The following CCDC148 variants were observed in gnomAD, a reference collection of about 807,000 sequenced individuals.
CCDC148 encodes the protein coiled-coil domain containing 148, also known as coiled-coil domain-containing protein 148.
In CCDC148, 89 loss-of-function variants were observed where a neutral mutation model predicts 85.7. That is an observed-to-expected ratio of 1.04 (90% CI 0.87 to 1.24). The LOEUF is 1.24. Among genes scored for constraint, CCDC148 ranks in the 50% most tolerant of loss-of-function variants. The pLI, the probability that CCDC148 is intolerant of heterozygous loss-of-function variation, is 0.00. For synonymous variants in CCDC148, 230 were observed against 213.9 expected (o/e 1.08, Z -0.66); for missense variants, 692 against 671.7 (o/e 1.03, Z -0.33).
At chr2:158,442,609 A>G (rs1372535663) in intron 1 of CCDC148, among the ~76,000 whole-genome samples, 1 of 152,210 alleles carries the variant, frequency 6.6e-6, no homozygotes, top group East Asian at 1.9e-4. Context: ...ATAGCAGGAA[A>G]AGAGCAGGAA....
chr2:158,290,115 G>T (rs1053801183), intron 9 of CCDC148, among the ~76,000 whole-genome samples: 1 of 152,198 alleles, frequency 6.6e-6, no homozygotes, highest in African/African-American at 2.4e-5. Context: ...TGGGAGACAT[G>T]TGAGATGCAG....
intron 10 of CCDC148, among the ~76,000 whole-genome samples, chr2:158,239,885 T>C (rs1292495151): frequency 1.4e-5 from 2 of 146,314 alleles, no homozygotes; most frequent in Non-Finnish European, 3.1e-5. Flanking sequence ...ATTTACCAAT[T>C]AGGTTTTTTT....
intron 11 of CCDC148, among the ~76,000 whole-genome samples, chr2:158,187,094 G>T (rs956115339): frequency 2.6e-5 from 4 of 151,920 alleles, no homozygotes; most frequent in African/African-American, 9.7e-5. Context: ...TCTACATCAT[G>T]GCTAACTCTC....
intron 9 of CCDC148, among the ~76,000 whole-genome samples, chr2:158,294,678 G>C (rs1395604905): frequency 6.6e-6 from 1 of 152,062 alleles, no homozygotes; most frequent in Non-Finnish European, 1.5e-5. Context: ...ACACAAATTA[G>C]CCAGGCGTGG....
At chr2:158,246,751 A>T (rs1034673635) in intron 10 of CCDC148, among the ~76,000 whole-genome samples, 1 of 152,190 alleles carries the variant, frequency 6.6e-6, no homozygotes, top group Admixed American at 6.5e-5. Context: ...TCTCTGCAAA[A>T]GTTCCAGGGA....
At chr2:158,187,146 T>A (rs1256126969) in intron 11 of CCDC148, among the ~76,000 whole-genome samples, 1 of 152,004 alleles carries the variant, frequency 6.6e-6, no homozygotes, top group Admixed American at 6.6e-5. Context: ...GAAAAGAGCA[T>A]TCATTTCCTC....
chr2:158,184,251 C>G (rs1318048572), intron 11 of CCDC148, among the ~76,000 whole-genome samples: 2 of 152,060 alleles, frequency 1.3e-5, no homozygotes, highest in Non-Finnish European at 2.9e-5. Context: ...AAAGATGAAC[C>G]CTTGCCAGCC....
At chr2:158,259,956 T>C (rs1689152296) in intron 9 of CCDC148, among the ~76,000 whole-genome samples, 1 of 151,994 alleles carries the variant, frequency 6.6e-6, no homozygotes, top group South Asian at 2.1e-4. Flanking sequence ...CTCTTACCTG[T>C]GTCTGTGAAT....
intron 1 of CCDC148, among the ~76,000 whole-genome samples, chr2:158,408,309 T>G (rs570049842): frequency 6.6e-6 from 1 of 152,282 alleles, no homozygotes; most frequent in African/African-American, 2.4e-5. Flanking sequence ...TATAGTCATA[T>G]TGCTGTACGT....
chr2:158,228,997 AAG>A (rs1687714976), intron 10 of CCDC148, among the ~76,000 whole-genome samples: 1 of 151,164 alleles, frequency 6.6e-6, no homozygotes, highest in South Asian at 2.1e-4. Flanking sequence ...AAGAAAAAAA[AAG>A]AATTCAGATA....
At chr2:158,342,198 T>A (rs921089724) in intron 3 of CCDC148, among the ~76,000 whole-genome samples, 8 of 151,094 alleles carry the variant, frequency 5.3e-5, no homozygotes, top group African/African-American at 9.8e-5. Flanking sequence ...CCTGGCTAAT[T>A]TTTGTATTTT....
chr2:158,201,669 C>T (rs543263343), intron 11 of CCDC148, among the ~76,000 whole-genome samples: 3 of 152,218 alleles, frequency 2.0e-5, no homozygotes, highest in East Asian at 3.9e-4. Context: ...ATCTCGGCTT[C>T]CTAAAGTGCT....
intron 3 of CCDC148, among the ~76,000 whole-genome samples, chr2:158,342,260 C>T (rs1682753532): frequency 6.6e-6 from 1 of 151,890 alleles, no homozygotes; most frequent in African/African-American, 2.4e-5. Context: ...AAACTCCTGA[C>T]CTCAGGTGAT....
intron 8 of CCDC148, among the ~76,000 whole-genome samples, chr2:158,311,418 G>C (rs971407362): frequency 6.6e-6 from 1 of 150,910 alleles, no homozygotes; most frequent in African/African-American, 2.5e-5. Context: ...CGAGATCGCG[G>C]CAGTACAGTC....
chr2:158,357,055 G>T (rs1429335798), intron 2 of CCDC148, among the ~76,000 whole-genome samples: 1 of 146,126 alleles, frequency 6.8e-6, no homozygotes, highest in Non-Finnish European at 1.5e-5. Context: ...CACAGGAACG[G>T]GAATATCACA....
At chr2:158,280,061 C>T (rs1363122162) in intron 9 of CCDC148, among the ~76,000 whole-genome samples, 3 of 151,804 alleles carry the variant, frequency 2.0e-5, no homozygotes, top group Middle Eastern at 3.2e-3. Flanking sequence ...AAATCCTTTA[C>T]AGACAAGCAA....
At chr2:158,428,709 A>T (rs927682675) in intron 1 of CCDC148, among the ~76,000 whole-genome samples, 8 of 151,814 alleles carry the variant, frequency 5.3e-5, no homozygotes, top group Non-Finnish European at 8.8e-5. Context: ...TAGTTCAACC[A>T]TTGCGGAAGA....
intron 11 of CCDC148, among the ~76,000 whole-genome samples, chr2:158,190,217 T>C (rs1322978534): frequency 6.6e-6 from 1 of 151,892 alleles, no homozygotes; most frequent in Non-Finnish European, 1.5e-5. Flanking sequence ...ACGACCATGA[T>C]ACAGACTTGC....
intron 5 of CCDC148, 86 bp from the exon 6 acceptor site, chr2:158,339,171 A>C: frequency 9.5e-7 from 1 of 1,047,652 alleles, no homozygotes; most frequent in South Asian, 1.4e-5. Flanking sequence ...TATTCTCAAA[A>C]GCCAATCAGT....
Sources: gnomAD v4.1 joint callset for allele counts (sites outside exome capture counted in the v4.1 genomes callset) on GRCh38, gnomAD v4.1.1 for gene constraint, MANE v1.5 for transcripts, NCBI Gene and HGNC (gene_info 2026-07-23, HGNC 2026-07-21) for gene names.